Variants in SRGAP3 observed in about 807,000 individuals in gnomAD.
The protein encoded by SRGAP3 is SLIT-ROBO Rho GTPase activating protein 3.
A neutral mutation model predicts 121.1 loss-of-function variants in SRGAP3; 39 were observed. The ratio of observed to expected loss-of-function variants is 0.32; its 90% CI spans 0.25 to 0.42. SRGAP3 has a LOEUF of 0.42. Among genes scored for constraint, SRGAP3 ranks in the 10% least tolerant of loss-of-function variants. SRGAP3 has a pLI of 1.00. For synonymous variants in SRGAP3, 601 were observed against 570.0 expected (o/e 1.05, Z -0.77); for missense variants, 1,213 against 1,470.6 (o/e 0.82, Z 2.86).
intron 7 of SRGAP3, 70 bp from the exon 8 acceptor site, chr3:9,056,404 G>A (rs1417712970): frequency 7.3e-6 from 11 of 1,508,364 alleles, no homozygotes; most frequent in African/African-American, 5.5e-5. Flanking sequence ...TAGGGCAGGG[G>A]CTACCATTAA....
intron 18 of SRGAP3, among the ~76,000 whole-genome samples, chr3:9,002,649 A>G (rs2124987699): frequency 6.6e-6 from 1 of 152,284 alleles, no homozygotes; most frequent in Middle Eastern, 3.4e-3. Flanking sequence ...ATGAAACCAA[A>G]AGCTGGTTCT....
intron 1 of SRGAP3, among the ~76,000 whole-genome samples, chr3:9,169,545 C>G (rs759678015): frequency 6.6e-6 from 1 of 152,180 alleles, no homozygotes; most frequent in Non-Finnish European, 1.5e-5. Flanking sequence ...AGTTCCCACA[C>G]TATTAACTAC....
intron 2 of SRGAP3, among the ~76,000 whole-genome samples, chr3:9,121,583 C>T (rs6443222): frequency 0.45 from 68,872 of 152,084 alleles, 15,824 homozygotes; most frequent in Middle Eastern, 0.54. Flanking sequence ...TTTCATAGTG[C>T]GTCAGGCAGC....
intron 1 of SRGAP3, among the ~76,000 whole-genome samples, chr3:9,342,847 T>C (rs1433181766): frequency 1.3e-5 from 2 of 152,236 alleles, no homozygotes; most frequent in Admixed American, 6.5e-5. Flanking sequence ...TCATTCGCTT[T>C]TATTATTCTC....
chr3:9,120,145 A>AC (rs1301459799), intron 2 of SRGAP3, among the ~76,000 whole-genome samples: 2 of 152,240 alleles, frequency 1.3e-5, no homozygotes, highest in African/African-American at 4.8e-5. Flanking sequence ...CACAGCAGGA[A>AC]CCAAGTCTAT....
rs952046204 is a variant in SRGAP3 at position 9,138,916 on chromosome 3, G to A, written c.68-13999C>T. On this transcript the variant is annotated intron_variant, in intron 1 of 21. Coordinates refer to ENST00000383836, the MANE Select transcript of SRGAP3 (RefSeq NM_014850.4). ...AAATTTGAAACACTTCTGGTCCCAA[G>A]CATTTCAGATAAGGAATACTCAACC... 3.5e-4 allele frequency among the ~76,000 whole-genome samples: 52 copies of A among 148,402 alleles called. 1 individual carries two copies. Among genetic ancestry groups the A allele is most frequent in the Admixed American group, 3.5e-3 (52 of 15,034 alleles).
intron 1 of SRGAP3, among the ~76,000 whole-genome samples, chr3:9,171,143 C>T (rs796961948): frequency 1.1e-4 from 17 of 152,342 alleles, no homozygotes; most frequent in African/African-American, 3.8e-4. Flanking sequence ...CTCCACAGAG[C>T]CCCATGAGAA....
At chr3:9,051,566 G>A (rs1178413601) in intron 9 of SRGAP3, among the ~76,000 whole-genome samples, 1 of 152,074 alleles carries the variant, frequency 6.6e-6, no homozygotes, top group Non-Finnish European at 1.5e-5. Context: ...GGAAGAGTGA[G>A]GCCTGGTTAA....
chr3:9,014,149 G>A (rs923631781), intron 15 of SRGAP3: 6 of 446,520 alleles, frequency 1.3e-5, no homozygotes, highest in African/African-American at 9.9e-5. Context: ...GCACAGTGGG[G>A]GCCCCTGAGA....
intron 3 of SRGAP3, among the ~76,000 whole-genome samples, chr3:9,319,784 T>C (rs1955410384): frequency 1.3e-5 from 2 of 151,850 alleles, no homozygotes; most frequent in South Asian, 4.1e-4. Flanking sequence ...GTGTTTGCCC[T>C]TTAGTTGTCC....
chr3:9,283,014 G>A lies in SRGAP3; in HGVS notation n.442+42996C>T, dbSNP rs149656351. On this transcript the variant is annotated intron_variant and non_coding_transcript_variant, in intron 3 of 3. Transcript: ENST00000490889. The stretch of plus-strand genomic sequence containing the variant: ...TGCAATGGCAGGATCTCGGTTCACT[G>A]CAATCTCTGTCTGCCTCCTGGGTTC... Among the ~76,000 whole-genome samples, 88 of 150,986 alleles carry A rather than the reference G, an allele frequency of 5.8e-4. 3 individuals are homozygous for A. In the East Asian group the frequency reaches 0.017, roughly 29 times the overall value.
chr3:9,156,412 C>G (rs971467380), intron 1 of SRGAP3, among the ~76,000 whole-genome samples: 1 of 152,194 alleles, frequency 6.6e-6, no homozygotes, highest in African/African-American at 2.4e-5. Context: ...TGTGGCAGCT[C>G]CGGGCTTAAA....
rs1195630459 is a variant in SRGAP3, at chr3:9,170,298, C to A, written c.68-45381G>T. Among the ~76,000 whole-genome samples the A allele has an allele frequency of 2.0e-5, 3 of 152,194 alleles. No homozygotes were observed. The South Asian group carries it at 6.2e-4, about 32-fold the overall frequency. On this transcript the variant is annotated intron_variant, in intron 1 of 21. Coordinates refer to ENST00000383836, the MANE Select transcript of SRGAP3 (RefSeq NM_014850.4). ...TCACGTCAGTGCAATGAACTCCATACACTTGAGACTTGGTAACATTGTCTT... is the reference window on the plus strand; with the variant it reads ...TCACGTCAGTGCAATGAACTCCATAAACTTGAGACTTGGTAACATTGTCTT...
intron 2 of SRGAP3, among the ~76,000 whole-genome samples, chr3:9,105,583 G>A (rs1259724932): frequency 6.6e-6 from 1 of 152,146 alleles, no homozygotes; most frequent in African/African-American, 2.4e-5. Flanking sequence ...AGACTCTCCA[G>A]TCCCACTCCA....
intron 1 of SRGAP3, among the ~76,000 whole-genome samples, chr3:9,210,487 T>C (rs1480268612): frequency 1.3e-5 from 2 of 149,566 alleles, no homozygotes; most frequent in Non-Finnish European, 3.0e-5. Flanking sequence ...ACTCTGTCTC[T>C]AACAATAAAA....
At chr3:9,146,867 C>A (rs1950043442) in intron 1 of SRGAP3, among the ~76,000 whole-genome samples, 1 of 152,182 alleles carries the variant, frequency 6.6e-6, no homozygotes, top group South Asian at 2.1e-4. Flanking sequence ...CAGAATTGTT[C>A]ATGTACACGT....
At chr3:9,047,728 G>A (rs189337189) in intron 9 of SRGAP3, among the ~76,000 whole-genome samples, 5 of 152,352 alleles carry the variant, frequency 3.3e-5, no homozygotes, top group African/African-American at 9.6e-5. Flanking sequence ...GGAACACAAA[G>A]CAAACCAGGG....
intron 4 of SRGAP3, among the ~76,000 whole-genome samples, chr3:9,071,790 A>G (rs1946734873): frequency 6.6e-6 from 1 of 152,076 alleles, no homozygotes; most frequent in South Asian, 2.1e-4. Flanking sequence ...TAGTGAGTAT[A>G]TTGGCGGGGA....
At chr3:9,324,955 T>C (rs1403519143) in intron 3 of SRGAP3, among the ~76,000 whole-genome samples, 1 of 149,044 alleles carries the variant, frequency 6.7e-6, no homozygotes. Context: ...AGACTCCATC[T>C]CAAAAAAAAA....
Sources: gnomAD v4.1 joint callset for allele counts (sites outside exome capture counted in the v4.1 genomes callset) on GRCh38, gnomAD v4.1.1 for gene constraint, MANE v1.5 for transcripts, NCBI Gene and HGNC (gene_info 2026-07-23, HGNC 2026-07-21) for gene names.